METTL15: variants seen among roughly 807,000 people sequenced by gnomAD.
The protein encoded by METTL15 is methyltransferase 15, mitochondrial 12S rRNA N4-cytidine.
Under a neutral mutation model 38.3 loss-of-function variants are expected in METTL15, and 34 were observed. The observed-to-expected ratio is 0.89, with a 90% confidence interval of 0.68 to 1.18. The LOEUF (loss-of-function observed/expected upper bound fraction) is 1.18, where lower values mean the gene tolerates loss of function less well. METTL15 is among the 50% of genes most tolerant of loss of function. METTL15 has a pLI of 0.00. For synonymous variants in METTL15, 162 were observed against 170.9 expected (o/e 0.95, Z 0.41); for missense variants, 438 against 498.4 (o/e 0.88, Z 1.15).
chr11:28,362,144 T>TG, intron 5 of METTL15: 1 of 152,148 alleles, frequency 6.6e-6, no homozygotes, highest in East Asian at 1.9e-4. Context: ...TCTTTCCTTA[T>TG]GAAGCTTACA....
At chr11:28,395,668 C>G (rs1251377415) in intron 5 of METTL15, among the ~76,000 whole-genome samples, 2 of 152,132 alleles carry the variant, frequency 1.3e-5, no homozygotes, top group Non-Finnish European at 2.9e-5. Flanking sequence ...ACCAGAGGTA[C>G]AAAGAGGAGC....
At chr11:28,338,353 CTTAATAG>C (rs776388339), downstream of METTL15, among the ~76,000 whole-genome samples, 9 of 152,098 alleles carry the variant, frequency 5.9e-5, no homozygotes, top group Non-Finnish European at 1.2e-4. Context: ...GAAATCTTCT[CTTAATAG>C]TTAATGTTGG....
intron 6 of METTL15, among the ~76,000 whole-genome samples, chr11:28,469,728 T>C (rs992929258): frequency 8.5e-5 from 13 of 152,146 alleles, no homozygotes; most frequent in African/African-American, 3.1e-4. Flanking sequence ...CTATAATTCC[T>C]ATTATTATTA....
intron 5 of METTL15, among the ~76,000 whole-genome samples, chr11:28,394,649 A>T (rs181577003): frequency 3.3e-5 from 5 of 152,210 alleles, no homozygotes; most frequent in Admixed American, 1.3e-4. Context: ...TTATGACAAG[A>T]TTCTCCACTG....
At chr11:28,396,047 T>C (rs4625443) in intron 5 of METTL15, among the ~76,000 whole-genome samples, 151,254 of 152,260 alleles carry the variant, frequency 0.99, 75,138 homozygotes, top group Middle Eastern at 1. Context: ...AATTCAACAG[T>C]CCTTCATGCT....
intron 6 of METTL15, among the ~76,000 whole-genome samples, chr11:28,471,994 A>G (rs898125747): frequency 2.0e-5 from 3 of 152,124 alleles, no homozygotes; most frequent in Non-Finnish European, 2.9e-5. Flanking sequence ...GGTGAAAGAG[A>G]CTAAGATGTT....
chr11:28,387,172 C>G (rs1044619974), intron 5 of METTL15, among the ~76,000 whole-genome samples: 1 of 151,368 alleles, frequency 6.6e-6, no homozygotes, highest in Non-Finnish European at 1.5e-5. Context: ...AAAATAAACC[C>G]AAAGTTAGCA....
At chr11:28,429,337 A>G (rs1459334340) in intron 6 of METTL15, among the ~76,000 whole-genome samples, 7 of 150,042 alleles carry the variant, frequency 4.7e-5, no homozygotes, top group African/African-American at 1.7e-4. Flanking sequence ...AAAACCTTAA[A>G]GAGTAAACAG....
intron 3 of METTL15, among the ~76,000 whole-genome samples, chr11:28,188,269 T>C (rs940932995): frequency 6.6e-6 from 1 of 151,342 alleles, no homozygotes; most frequent in Admixed American, 6.6e-5. Flanking sequence ...AATTCAAACA[T>C]ATCAAACAGA....
intron 4 of METTL15, among the ~76,000 whole-genome samples, chr11:28,211,591 A>G (rs1222556347): frequency 6.6e-6 from 1 of 152,122 alleles, no homozygotes; most frequent in Non-Finnish European, 1.5e-5. Context: ...TCATGAGGAC[A>G]TATACATCAA....
intron 5 of METTL15, among the ~76,000 whole-genome samples, chr11:28,372,059 A>G (rs1474002126): frequency 1.3e-5 from 2 of 152,078 alleles, no homozygotes; most frequent in African/African-American, 2.4e-5. Flanking sequence ...CATTCTTATC[A>G]TATTCTGGAT....
At chr11:28,368,143 CAAAAAAAACAA>C (rs1201103300) in intron 5 of METTL15, among the ~76,000 whole-genome samples, 6 of 87,074 alleles carry the variant, frequency 6.9e-5, no homozygotes, top group African/African-American at 2.7e-4. Context: ...AAAAAAAAAA[CAAAAAAAACAA>C]AAAAAAAAAC....
chr11:28,272,108 A>G (rs1855666191), intron 4 of METTL15, among the ~76,000 whole-genome samples: 1 of 152,230 alleles, frequency 6.6e-6, no homozygotes, highest in African/African-American at 2.4e-5. Flanking sequence ...GAACGCTCTT[A>G]CACTGTTGGT....
chr11:28,449,465 G>A (rs1329052454), intron 6 of METTL15, among the ~76,000 whole-genome samples: 1 of 152,158 alleles, frequency 6.6e-6, no homozygotes, highest in Non-Finnish European at 1.5e-5. Flanking sequence ...GAAATGAAAG[G>A]TATTCCATGA....
intron 6 of METTL15, among the ~76,000 whole-genome samples, chr11:28,467,843 G>A (rs1303116839): frequency 6.6e-6 from 1 of 152,142 alleles, no homozygotes; most frequent in Non-Finnish European, 1.5e-5. Flanking sequence ...AAGCTATAGA[G>A]CCATGAGAGA....
intron 5 of METTL15, among the ~76,000 whole-genome samples, chr11:28,293,116 A>G (rs1006642347): frequency 1.3e-5 from 2 of 152,198 alleles, no homozygotes; most frequent in Non-Finnish European, 2.9e-5. Flanking sequence ...TGTTTTAGAC[A>G]TGAAGTCCTT....
intron 5 of METTL15, among the ~76,000 whole-genome samples, chr11:28,394,793 A>G (rs2133397386): frequency 6.6e-6 from 1 of 152,104 alleles, no homozygotes; most frequent in African/African-American, 2.4e-5. Context: ...CTTTTCTGTA[A>G]TTGTTAGTTT....
chr11:28,501,208 G>A (rs1470424771), intron 6 of METTL15, among the ~76,000 whole-genome samples: 5 of 152,166 alleles, frequency 3.3e-5, no homozygotes, highest in Non-Finnish European at 5.9e-5. Flanking sequence ...GCAGCTATGT[G>A]CCCTACTACC....
At chr11:28,366,215 A>G (rs1227283683) in intron 5 of METTL15, among the ~76,000 whole-genome samples, 2 of 152,050 alleles carry the variant, frequency 1.3e-5, no homozygotes, top group African/African-American at 4.8e-5. Flanking sequence ...ATTATTAAGA[A>G]CAGGAGCAAC....
Sources: allele counts gnomAD v4.1 joint callset (sites outside exome capture counted in the v4.1 genomes callset), GRCh38; gene constraint gnomAD v4.1.1; transcripts MANE v1.5; gene names NCBI Gene and HGNC (gene_info 2026-07-23, HGNC 2026-07-21).